Variants in PIR observed in about 807,000 individuals in gnomAD.
PIR encodes the protein pirin (iron-binding nuclear protein).
A neutral mutation model predicts 24.2 loss-of-function variants in PIR; 22 were observed. That is an observed-to-expected ratio of 0.91 (90% confidence interval 0.65 to 1.30). The LOEUF (loss-of-function observed/expected upper bound fraction) is 1.30, where lower values mean the gene tolerates loss of function less well. Among genes scored for constraint, PIR ranks in the 50% most tolerant of loss-of-function variants. The probability of loss-of-function intolerance (pLI) is 0.00; values close to 1 mark genes in which losing one functional copy is unlikely to be tolerated. For missense variants in PIR, 220 were observed against 220.3 expected (o/e 1.00, Z 0.01); for synonymous variants, 80 against 79.6 (o/e 1.00, Z -0.03).
chrX:15,389,160 A>T (rs1454874403), intron 9 of PIR, among the ~76,000 whole-genome samples: 3 of 112,185 alleles, frequency 2.7e-5, no homozygotes, highest in Non-Finnish European at 5.6e-5. Context: ...AGTTACTAGG[A>T]ATAAAGATTA....
intron 5 of PIR, among the ~76,000 whole-genome samples, chrX:15,454,474 A>T (rs1266250709): frequency 3.4e-5 from 2 of 59,681 alleles, no homozygotes; most frequent in Admixed American, 4.6e-4. Context: ...GGGTACAGGT[A>T]AAAAAAAAAA....
intron 5 of PIR, among the ~76,000 whole-genome samples, chrX:15,431,381 T>C (rs1177907309): frequency 1.8e-5 from 2 of 112,098 alleles, no homozygotes. Context: ...GGTTAAGACA[T>C]TGTGGCCAAA....
At chrX:15,471,265 T>G (rs145765605) in intron 3 of PIR, among the ~76,000 whole-genome samples, 2 of 111,500 alleles carry the variant, frequency 1.8e-5, no homozygotes, top group African/African-American at 6.5e-5. Flanking sequence ...AGTCACTTCT[T>G]GGGCTTTTGG....
intron 3 of PIR, among the ~76,000 whole-genome samples, chrX:15,463,065 A>T (rs1921378805): frequency 8.9e-6 from 1 of 111,793 alleles, no homozygotes; most frequent in African/African-American, 3.3e-5. Context: ...GCCTATCCAC[A>T]GAAAGCAAGT....
intron 2 of PIR, among the ~76,000 whole-genome samples, chrX:15,485,723 T>C (rs1922772862): frequency 8.9e-6 from 1 of 112,299 alleles, no homozygotes; most frequent in Non-Finnish European, 1.9e-5. Flanking sequence ...AGTAAGAATA[T>C]CTTGCATTAG....
At chrX:15,479,318 A>C (rs1399309070) in intron 3 of PIR, among the ~76,000 whole-genome samples, 1 of 110,260 alleles carries the variant, frequency 9.1e-6, no homozygotes, top group African/African-American at 3.3e-5. Flanking sequence ...TCTTGGATAG[A>C]AACAAGATAG....
intron 8 of PIR, 56 bp downstream of exon 8, chrX:15,397,393 T>C (rs934221581): frequency 2.8e-5 from 24 of 855,925 alleles, no homozygotes; most frequent in Non-Finnish European, 4.0e-5. Context: ...AGGCATTTTC[T>C]TGGAAACCAG....
At chrX:15,418,349 C>A (rs1215849739) in intron 6 of PIR, among the ~76,000 whole-genome samples, 1 of 111,898 alleles carries the variant, frequency 8.9e-6, no homozygotes, top group East Asian at 2.8e-4. Flanking sequence ...AGATTTATGT[C>A]CTTCATAATT....
chrX:15,419,251 G>A (rs1045544622), intron 6 of PIR, among the ~76,000 whole-genome samples: 28 of 111,015 alleles, frequency 2.5e-4, no homozygotes, highest in African/African-American at 8.8e-4. Context: ...AATAATGAGT[G>A]CTTTATAATA....
At chrX:15,420,776 G>T (rs112770138) in intron 6 of PIR, among the ~76,000 whole-genome samples, 2,065 of 111,084 alleles carry the variant, frequency 0.019, 49 homozygotes, top group African/African-American at 0.062. Context: ...GTTCGAGGTT[G>T]CAGTGAGCTA....
At chrX:15,461,557 G>A (rs1253640076) in intron 3 of PIR, among the ~76,000 whole-genome samples, 1 of 112,306 alleles carries the variant, frequency 8.9e-6, no homozygotes, top group Non-Finnish European at 1.9e-5. Flanking sequence ...AAGGTGGGCG[G>A]ATCGCCTGAG....
chrX:15,441,598 C>A (rs1003026), intron 5 of PIR, among the ~76,000 whole-genome samples: 38,311 of 109,843 alleles, frequency 0.35, 5,054 homozygotes, highest in East Asian at 0.47. Flanking sequence ...TCGAAGGAGC[C>A]TCCAGACCCC....
At chrX:15,451,613 T>C (rs1342487096) in intron 5 of PIR, among the ~76,000 whole-genome samples, 1 of 111,964 alleles carries the variant, frequency 8.9e-6, no homozygotes, top group African/African-American at 3.2e-5. Context: ...TCCATGTATA[T>C]TTTAATGATT....
chrX:15,461,759 G>A (rs759285375), intron 3 of PIR, among the ~76,000 whole-genome samples: 2 of 111,462 alleles, frequency 1.8e-5, no homozygotes. Flanking sequence ...CTCCAGCCTG[G>A]GCAACAAGAC....
chrX:15,463,736 G>A (rs938018119), intron 3 of PIR, among the ~76,000 whole-genome samples: 1 of 112,157 alleles, frequency 8.9e-6, no homozygotes, highest in African/African-American at 3.2e-5. Flanking sequence ...CCATTTGTAT[G>A]GGAAATTAAT....
intron 5 of PIR, among the ~76,000 whole-genome samples, chrX:15,436,877 T>C (rs940636958): frequency 1.8e-5 from 2 of 112,311 alleles, no homozygotes; most frequent in Non-Finnish European, 3.8e-5. Flanking sequence ...GAATTTATTA[T>C]GGTCTAGGGC....
At chrX:15,409,015 T>G (rs888627255) in intron 6 of PIR, among the ~76,000 whole-genome samples, 1 of 111,593 alleles carries the variant, frequency 9.0e-6, no homozygotes, top group Non-Finnish European at 1.9e-5. Context: ...TCACAGTTTT[T>G]CCTCTCTGAG....
rs184066279 is a variant in PIR, at chrX:15,451,184, G to T, written c.480+4664C>A. ...GGCAAGGGAGGGGAGATATCCACAA[G>T]AAATGCCTAGAAAGCTGATAAGTAT... On this transcript the variant is annotated intron_variant, in intron 5 of 9. Transcript: ENST00000380420. 4.5e-3 allele frequency among the ~76,000 whole-genome samples: 500 copies of T among 111,494 alleles called. 3 individuals carry two copies. The highest frequency in any genetic ancestry group is 0.016 in the African/African-American group (478 of 30,634).
rs751750562 is a variant in PIR, at chrX:15,479,795, C to G, written c.123G>C (p.Leu41=). The change falls in exon 3 of 10, where the codon CTG becomes CTC. Residue 41 remains leucine (L), a synonymous_variant. Coordinates refer to ENST00000380420, the MANE Select transcript of PIR (RefSeq NM_001018109.3). ...GTCTACCTCCTTTAAATTCATCAAA[C>G]AGTAAAAACGGATCCAGATTTTTTA... is the stretch of plus-strand genomic sequence containing the variant. ...PELKNLDPFL[L]FDEFKGGRPG... 5 of 1,169,524 alleles carry G rather than the reference C, an allele frequency of 4.3e-6. No homozygotes were observed. In the African/African-American group the frequency reaches 5.4e-5, roughly 13 times the overall value.
Sources: gnomAD v4.1 joint callset for allele counts (sites outside exome capture counted in the v4.1 genomes callset) on GRCh38, gnomAD v4.1.1 for gene constraint, MANE v1.5 for transcripts, NCBI Gene and HGNC (gene_info 2026-07-23, HGNC 2026-07-21) for gene names.